Variants in NCAM2 observed in about 807,000 individuals in gnomAD.
The protein encoded by NCAM2 is neural cell adhesion molecule 2, also known as N-CAM-2.
In NCAM2, 30 loss-of-function variants were observed where a neutral mutation model predicts 98.1. The observed-to-expected ratio is 0.31, with a 90% CI of 0.23 to 0.41. The LOEUF is 0.41. NCAM2 is among the 10% of genes least tolerant of loss of function. The pLI is 1.00. For missense variants in NCAM2, 867 were observed against 1,005.8 expected (o/e 0.86, Z 1.87); for synonymous variants, 368 against 342.4 (o/e 1.07, Z -0.83).
rs186414647 is a variant in NCAM2 at position 21,143,132 on chromosome 21, T to A, written c.56-137446T>A. Among the ~76,000 whole-genome samples the A allele has an allele frequency of 4.0e-4, 61 of 152,312 alleles. 1 individual carries two copies. In the East Asian group the frequency reaches 7.5e-3, roughly 19 times the overall value. On this transcript the variant is annotated intron_variant, in intron 1 of 17. Coordinates refer to ENST00000400546, the MANE Select transcript of NCAM2 (RefSeq NM_004540.5). ...TTACTGTTCATCGGGATTTTAACAT[T>A]TTTTTGTCTCACTGCAAAGGTGTGA...
intron 1 of NCAM2, among the ~76,000 whole-genome samples, chr21:21,180,016 G>T (rs759607866): frequency 9.2e-5 from 14 of 152,210 alleles, no homozygotes; most frequent in Non-Finnish European, 1.9e-4. Context: ...TGAAATGCCT[G>T]ACTGTTGGTG....
intron 1 of NCAM2, among the ~76,000 whole-genome samples, chr21:21,233,234 AT>A (rs1273560236): frequency 6.6e-6 from 1 of 151,470 alleles, no homozygotes; most frequent in East Asian, 1.9e-4. Flanking sequence ...CACAATCAGG[AT>A]GAAATTTGAC....
Position 21,310,449 on chromosome 21 carries a change from G to C in NCAM2, c.620-13934G>C, listed in dbSNP as rs965698739. On this transcript the variant is annotated intron_variant, in intron 5 of 17. Coordinates refer to ENST00000400546, the MANE Select transcript of NCAM2 (RefSeq NM_004540.5). ...AGATCAGAGCAATGATTTAAAGAAA[G>C]AGAAGAGTCTGATGAACTGAAGTAG... Among the ~76,000 whole-genome samples the C allele has an allele frequency of 2.0e-5, 3 of 152,126 alleles. No homozygotes were observed. In the East Asian group the frequency reaches 5.8e-4, roughly 29 times the overall value.
chr21:21,120,341 T>C (rs1569043530), intron 1 of NCAM2, among the ~76,000 whole-genome samples: 1 of 151,954 alleles, frequency 6.6e-6, no homozygotes, highest in Non-Finnish European at 1.5e-5. Flanking sequence ...AGTTGTTATA[T>C]CATGACTTAA....
chr21:21,281,277 G>A (rs1395497633), intron 2 of NCAM2, among the ~76,000 whole-genome samples: 4 of 152,060 alleles, frequency 2.6e-5, no homozygotes, highest in Admixed American at 1.3e-4. Context: ...TGTCTAAACA[G>A]TAATATTAGG....
At chr21:21,336,454 TA>T (rs2074872523) in intron 7 of NCAM2, among the ~76,000 whole-genome samples, 1 of 151,864 alleles carries the variant, frequency 6.6e-6, no homozygotes, top group Non-Finnish European at 1.5e-5. Flanking sequence ...TTTGGAGATA[TA>T]CCTAATGTTA....
intron 1 of NCAM2, among the ~76,000 whole-genome samples, chr21:21,117,311 A>G (rs904258154): frequency 4.9e-4 from 2 of 4,046 alleles, no homozygotes; most frequent in Non-Finnish European, 2.3e-3. Flanking sequence ...ATCATACACT[A>G]TCGGTATATT....
intron 1 of NCAM2, among the ~76,000 whole-genome samples, chr21:21,024,890 GA>G (rs756802397): frequency 0.029 from 3,633 of 125,294 alleles, 131 homozygotes; most frequent in African/African-American, 0.093. Context: ...CCGTCTCAAA[GA>G]AAAAAAAAAA....
intron 8 of NCAM2, among the ~76,000 whole-genome samples, chr21:21,367,859 A>T (rs1414631329): frequency 6.6e-6 from 1 of 151,910 alleles, no homozygotes; most frequent in Non-Finnish European, 1.5e-5. Context: ...ATATAAGCCT[A>T]TCCATTCTGG....
intron 11 of NCAM2, among the ~76,000 whole-genome samples, chr21:21,426,720 C>T (rs1414535523): frequency 6.6e-6 from 1 of 152,122 alleles, no homozygotes; most frequent in Non-Finnish European, 1.5e-5. Context: ...GCCTCTTGTC[C>T]ATGCGCACCT....
chr21:21,502,308 G>T (rs1987689627), intron 15 of NCAM2, among the ~76,000 whole-genome samples: 1 of 151,836 alleles, frequency 6.6e-6, no homozygotes, highest in African/African-American at 2.4e-5. Flanking sequence ...TTATTTAATT[G>T]TAGGATTAAC....
intron 1 of NCAM2, among the ~76,000 whole-genome samples, chr21:21,246,621 G>A (rs1306273607): frequency 6.6e-6 from 1 of 152,042 alleles, no homozygotes; most frequent in Non-Finnish European, 1.5e-5. Flanking sequence ...ATAAATCTGT[G>A]AGCTTTTATT....
At chr21:21,403,068 T>G (rs1304172429) in intron 9 of NCAM2, among the ~76,000 whole-genome samples, 1 of 152,190 alleles carries the variant, frequency 6.6e-6, no homozygotes, top group African/African-American at 2.4e-5. Flanking sequence ...GGAACATTTT[T>G]TAAAATACCT....
intron 8 of NCAM2, among the ~76,000 whole-genome samples, chr21:21,358,752 AC>A (rs2075564526): frequency 6.6e-6 from 1 of 152,030 alleles, no homozygotes. Flanking sequence ...TTTTTCTGGT[AC>A]AAGTCTACCA....
At chr21:21,300,175 T>C (rs1276631595) in intron 5 of NCAM2, among the ~76,000 whole-genome samples, 3 of 151,770 alleles carry the variant, frequency 2.0e-5, no homozygotes, top group African/African-American at 7.3e-5. Context: ...AAAAAGGATA[T>C]GGTGCAGCCA....
chr21:21,263,005 A>G (rs1203584178), intron 1 of NCAM2, among the ~76,000 whole-genome samples: 1 of 152,058 alleles, frequency 6.6e-6, no homozygotes, highest in Non-Finnish European at 1.5e-5. Flanking sequence ...TCCCACAACA[A>G]CATGTGGGAA....
intron 6 of NCAM2, among the ~76,000 whole-genome samples, chr21:21,324,867 A>G (rs1479191940): frequency 6.6e-6 from 1 of 152,148 alleles, no homozygotes; most frequent in Non-Finnish European, 1.5e-5. Flanking sequence ...TATGTATACA[A>G]TATCATATTT....
At chr21:21,164,966 C>G (rs2067904250) in intron 1 of NCAM2, among the ~76,000 whole-genome samples, 1 of 152,078 alleles carries the variant, frequency 6.6e-6, no homozygotes. Context: ...GTATCATATA[C>G]CAGGCACTAT....
chr21:21,185,569 C>T (rs1225957626), intron 1 of NCAM2, among the ~76,000 whole-genome samples: 2 of 152,116 alleles, frequency 1.3e-5, no homozygotes, highest in Non-Finnish European at 2.9e-5. Context: ...TCAAAGTCAG[C>T]CATACGATCA....
Sources: gnomAD v4.1 joint callset for allele counts (sites outside exome capture counted in the v4.1 genomes callset) on GRCh38, gnomAD v4.1.1 for gene constraint, MANE v1.5 for transcripts, NCBI Gene and HGNC (gene_info 2026-07-23, HGNC 2026-07-21) for gene names.